CCDC91: variants seen among roughly 807,000 people sequenced by gnomAD.
CCDC91 encodes coiled-coil domain-containing protein 91.
Under a neutral mutation model 63.2 loss-of-function variants are expected in CCDC91, and 48 were observed. The ratio of observed to expected loss-of-function variants is 0.76; its 90% CI spans 0.60 to 0.97. The LOEUF is 0.97. CCDC91 is among the 50% of genes least tolerant of loss of function. CCDC91 has a pLI of 0.00. For synonymous variants in CCDC91, 167 were observed against 165.8 expected, an observed-to-expected ratio of 1.01 and a Z score of -0.06; for missense variants, 500 against 494.6, an observed-to-expected ratio of 1.01 and a Z score of -0.10.
At chr12:28,398,566 GTTTAAC>G (rs1470608680) in intron 8 of CCDC91, among the ~76,000 whole-genome samples, 1 of 152,046 alleles carries the variant, frequency 6.6e-6, no homozygotes, top group African/African-American at 2.4e-5. Context: ...GTAAGTATAT[GTTTAAC>G]TTTAAAACCA....
At chr12:28,539,160 T>A (rs1942433622) in intron 12 of CCDC91, among the ~76,000 whole-genome samples, 2 of 152,200 alleles carry the variant, frequency 1.3e-5, no homozygotes, top group Non-Finnish European at 2.9e-5. Context: ...GCTTTTGGTG[T>A]TTTAGACATG....
intron 3 of CCDC91, among the ~76,000 whole-genome samples, chr12:28,273,432 T>C (rs1335269738): frequency 6.6e-6 from 1 of 152,222 alleles, no homozygotes; most frequent in Non-Finnish European, 1.5e-5. Flanking sequence ...TCCACAATGG[T>C]TGAACTAGTT....
At chr12:28,468,495 G>A (rs1461285028) in intron 11 of CCDC91, among the ~76,000 whole-genome samples, 2 of 151,926 alleles carry the variant, frequency 1.3e-5, no homozygotes, top group African/African-American at 2.4e-5. Flanking sequence ...TGGCTTCACT[G>A]CTGAATTTCA....
intron 11 of CCDC91, among the ~76,000 whole-genome samples, chr12:28,471,554 C>T (rs1291733289): frequency 6.6e-6 from 1 of 152,074 alleles, no homozygotes; most frequent in South Asian, 2.1e-4. Flanking sequence ...ATTTATTTAA[C>T]AGACCCAGAG....
intron 8 of CCDC91, among the ~76,000 whole-genome samples, chr12:28,416,511 C>A (rs536370699): frequency 6.6e-6 from 1 of 152,116 alleles, no homozygotes; most frequent in South Asian, 2.1e-4. Context: ...TCGGCAAGGA[C>A]AGGTGGGAGT....
chr12:28,241,225 T>C (rs1252721088), intron 1 of CCDC91, among the ~76,000 whole-genome samples: 1 of 152,220 alleles, frequency 6.6e-6, no homozygotes, highest in African/African-American at 2.4e-5. Flanking sequence ...TTTTGTCTAT[T>C]GAAAAGAACA....
chr12:28,422,597 A>G (rs1332013286), intron 8 of CCDC91, among the ~76,000 whole-genome samples: 1 of 152,100 alleles, frequency 6.6e-6, no homozygotes, highest in Non-Finnish European at 1.5e-5. Flanking sequence ...CCAAATGTAT[A>G]TAGTTATATG....
chr12:28,321,948 AC>A (rs1940547209), intron 6 of CCDC91, among the ~76,000 whole-genome samples: 2 of 151,646 alleles, frequency 1.3e-5, no homozygotes, highest in African/African-American at 4.8e-5. Flanking sequence ...GTATAGTGAT[AC>A]ATATATCACT....
intron 6 of CCDC91, among the ~76,000 whole-genome samples, chr12:28,329,152 A>G (rs746354506): frequency 1.8e-4 from 27 of 152,216 alleles, no homozygotes; most frequent in Non-Finnish European, 3.2e-4. Flanking sequence ...AATGTGAATC[A>G]CTTGCCTGTT....
chr12:28,290,542 C>T (rs544864695), intron 3 of CCDC91, among the ~76,000 whole-genome samples: 17 of 152,128 alleles, frequency 1.1e-4, no homozygotes, highest in Non-Finnish European at 2.2e-4. Flanking sequence ...TTGATTCTGT[C>T]ATCATGATGT....
At chr12:28,331,621 C>T (rs1941520547) in intron 6 of CCDC91, among the ~76,000 whole-genome samples, 1 of 152,076 alleles carries the variant, frequency 6.6e-6, no homozygotes, top group Admixed American at 6.6e-5. Flanking sequence ...AGTTCTTTAC[C>T]CAGAGCTAGG....
chr12:28,236,046 G>T (rs773558851), intron 1 of CCDC91, among the ~76,000 whole-genome samples: 1 of 152,060 alleles, frequency 6.6e-6, no homozygotes, highest in Non-Finnish European at 1.5e-5. Flanking sequence ...ATGCTTTGCT[G>T]TTGGAAGTAA....
intron 12 of CCDC91, among the ~76,000 whole-genome samples, chr12:28,521,479 C>T (rs1433419179): frequency 5.9e-5 from 9 of 152,082 alleles, no homozygotes; most frequent in Admixed American, 1.3e-4. Flanking sequence ...GGGGCTGAGA[C>T]GACGTGGTTT....
At chr12:28,399,143 C>T (rs1357024108) in intron 8 of CCDC91, among the ~76,000 whole-genome samples, 1 of 152,160 alleles carries the variant, frequency 6.6e-6, no homozygotes, top group Non-Finnish European at 1.5e-5. Flanking sequence ...CTAATAAAGA[C>T]ATTCCTGAGT....
chr12:28,212,094 CCA>C (rs1353780125), intron 1 of CCDC91, among the ~76,000 whole-genome samples: 1 of 152,136 alleles, frequency 6.6e-6, no homozygotes, highest in African/African-American at 2.4e-5. Context: ...ACCGCAATCC[CCA>C]GCCACTGTGA....
At chr12:28,199,360 C>T (rs1942032437) in intron 1 of CCDC91, among the ~76,000 whole-genome samples, 1 of 151,910 alleles carries the variant, frequency 6.6e-6, no homozygotes, top group African/African-American at 2.4e-5. Context: ...CCCTCCCCTT[C>T]CTTCATGCTA....
intron 8 of CCDC91, among the ~76,000 whole-genome samples, chr12:28,394,737 T>TCTCTCTCTCTCTCTCTCTCTCTCTCTCTC (rs1216042442): frequency 2.0e-5 from 3 of 151,744 alleles, no homozygotes; most frequent in Admixed American, 6.6e-5. Context: ...TCTCTCCCCC[T>TCTCTCTCTCTCTCTCTCTCTCTCTCTCTC]TTTTCAGATT....
chr12:28,412,758 C>G (rs1188775036), intron 8 of CCDC91: 1 of 453,566 alleles, frequency 2.2e-6, no homozygotes, highest in South Asian at 1.6e-5. Flanking sequence ...TTTCAGAGTG[C>G]CCTTTTTTCA....
chr12:28,263,710 CTA>C (rs1405386300), intron 3 of CCDC91, among the ~76,000 whole-genome samples: 1 of 151,926 alleles, frequency 6.6e-6, no homozygotes, highest in East Asian at 1.9e-4. Context: ...CTCTTTATGT[CTA>C]TGTTAGTCTG....
Sources: allele counts gnomAD v4.1 joint callset (sites outside exome capture counted in the v4.1 genomes callset), GRCh38; gene constraint gnomAD v4.1.1; transcripts MANE v1.5; gene names NCBI Gene and HGNC (gene_info 2026-07-23, HGNC 2026-07-21).